Variants in CLMP observed in about 807,000 individuals in gnomAD.
The protein encoded by CLMP is CXADR like cell adhesion molecule.
CLMP carries 27 observed loss-of-function variants against 45.2 expected under a neutral mutation model. The observed-to-expected ratio is 0.60, with a 90% CI of 0.44 to 0.82. The LOEUF (loss-of-function observed/expected upper bound fraction) is 0.82. CLMP is among the 40% of genes least tolerant of loss of function. CLMP has a pLI of 0.00. For synonymous variants in CLMP, 167 were observed against 171.4 expected, an observed-to-expected ratio of 0.97 and a Z score of 0.20; for missense variants, 403 against 448.4, an observed-to-expected ratio of 0.90 and a Z score of 0.91.
intron 6 of CLMP, 42 bp from the exon 7 acceptor site, chr11:123,073,816 T>C: frequency 1.3e-6 from 2 of 1,525,838 alleles, no homozygotes; most frequent in Non-Finnish European, 8.8e-7. Flanking sequence ...GGCAGATCTG[T>C]GATTGCTTCC....
chr11:123,118,999 TTCTCTCTCTCTCTCTCTCTCTC>T (rs1248549147), intron 1 of CLMP, among the ~76,000 whole-genome samples: 12 of 14,150 alleles, frequency 8.5e-4, no homozygotes, highest in Non-Finnish European at 1.3e-3. Context: ...CTTTCTTTCT[TTCTCTCTCTCTCTCTCTCTCTC>T]TCTCTCTCTC....
chr11:123,146,269 G>A (rs1370213431), intron 1 of CLMP, among the ~76,000 whole-genome samples: 2 of 152,050 alleles, frequency 1.3e-5, no homozygotes, highest in African/African-American at 4.8e-5. Flanking sequence ...GTGGTGGCTC[G>A]CGTCTGTAAT....
At chr11:123,084,350 A>G (rs569508560) in intron 3 of CLMP, among the ~76,000 whole-genome samples, 162 bp downstream of exon 3, 1 of 152,352 alleles carries the variant, frequency 6.6e-6, no homozygotes, top group East Asian at 1.9e-4. Flanking sequence ...GCTATAATAC[A>G]GAAGATACAC....
intron 1 of CLMP, among the ~76,000 whole-genome samples, chr11:123,104,128 C>CTTTT (rs1241735527): frequency 5.0e-4 from 36 of 72,388 alleles, no homozygotes; most frequent in Non-Finnish European, 7.1e-4. Context: ...CCATGCCTGG[C>CTTTT]TTTTTTTTTT....
chr11:123,098,569 T>C (rs1217811525), intron 1 of CLMP, among the ~76,000 whole-genome samples: 2 of 151,804 alleles, frequency 1.3e-5, no homozygotes, highest in Non-Finnish European at 2.9e-5. Context: ...TGAGTGTCTC[T>C]CTGATGACCA....
At chr11:123,125,302 A>C (rs1860872980) in intron 1 of CLMP, among the ~76,000 whole-genome samples, 1 of 152,138 alleles carries the variant, frequency 6.6e-6, no homozygotes. Context: ...TGCCTTTAGA[A>C]GCACTCATGG....
At chr11:123,135,889 T>C in intron 1 of CLMP, 2 of 505,332 alleles carry the variant, frequency 4.0e-6, no homozygotes, top group Admixed American at 4.3e-5. Flanking sequence ...CTTCTCATAG[T>C]TGAATCCACT....
At chr11:123,145,548 C>T (rs1032963590) in intron 1 of CLMP, among the ~76,000 whole-genome samples, 10 of 151,248 alleles carry the variant, frequency 6.6e-5, no homozygotes, top group African/African-American at 1.9e-4. Context: ...ATGCAACCTC[C>T]GCCTCCCGGA....
intron 1 of CLMP, among the ~76,000 whole-genome samples, chr11:123,156,247 C>T (rs990863621): frequency 6.6e-6 from 1 of 152,188 alleles, no homozygotes; most frequent in African/African-American, 2.4e-5. Flanking sequence ...TCACCTGACA[C>T]TGAATTTGTC....
intron 1 of CLMP, among the ~76,000 whole-genome samples, chr11:123,132,956 G>A (rs1390283173): frequency 6.7e-6 from 1 of 149,974 alleles, no homozygotes; most frequent in Non-Finnish European, 1.5e-5. Context: ...TTTGGTAGAG[G>A]CAGGGTTTCA....
intron 4 of CLMP, 86 bp from the exon 5 acceptor site, chr11:123,083,293 A>T: frequency 8.1e-7 from 1 of 1,236,818 alleles, no homozygotes; most frequent in Non-Finnish European, 1.2e-6. Context: ...CTGAGCTGAG[A>T]TTCCGTAATG....
rs1865775212 is a variant in CLMP at position 123,079,350 on chromosome 11, T to TC, written c.679+3734dup. ...TAAAATTAAAAGGGTGATTTTTTTT[T>TC]CTCAACCTAGTGGGGAAAAAAGGAT... On this transcript the variant is annotated intron_variant, in intron 5 of 6. Coordinates refer to ENST00000448775, the MANE Select transcript of CLMP (RefSeq NM_024769.5). 4.6e-5 allele frequency among the ~76,000 whole-genome samples: 7 copies of TC among 152,342 alleles called. No individual in the cohort carries two copies. The East Asian group carries it at 1.3e-3, about 29-fold the overall frequency.
At chr11:123,129,298 C>G (rs1171925259) in intron 1 of CLMP, among the ~76,000 whole-genome samples, 1 of 149,852 alleles carries the variant, frequency 6.7e-6, no homozygotes, top group Non-Finnish European at 1.5e-5. Flanking sequence ...CCATTGCACT[C>G]CAGCCTGGGC....
At chr11:123,121,284 G>GT (rs1296655950) in intron 1 of CLMP, among the ~76,000 whole-genome samples, 100 of 151,852 alleles carry the variant, frequency 6.6e-4, no homozygotes, top group African/African-American at 2.4e-3. Flanking sequence ...AAAAATTCTT[G>GT]TTTTTGTTTT....
chr11:123,130,186 C>T (rs990355664), intron 1 of CLMP, among the ~76,000 whole-genome samples: 2 of 152,172 alleles, frequency 1.3e-5, no homozygotes, highest in Admixed American at 6.5e-5. Flanking sequence ...GAGAACACTG[C>T]ATGGTATTCA....
At chr11:123,160,845 G>A (rs1861477902) in intron 1 of CLMP, among the ~76,000 whole-genome samples, 1 of 151,964 alleles carries the variant, frequency 6.6e-6, no homozygotes, top group Admixed American at 6.6e-5. Context: ...AGGCGTGGTG[G>A]TGCATGCCTG....
At chr11:123,135,105 C>T (rs545096546) in intron 1 of CLMP, among the ~76,000 whole-genome samples, 33 of 151,846 alleles carry the variant, frequency 2.2e-4, no homozygotes, top group Non-Finnish European at 4.1e-4. Context: ...ACTAAAAATA[C>T]AAAAATTAGC....
chr11:123,126,098 T>G (rs1016373810), intron 1 of CLMP, among the ~76,000 whole-genome samples: 1 of 152,230 alleles, frequency 6.6e-6, no homozygotes, highest in Admixed American at 6.5e-5. Context: ...CCAGCCTGAA[T>G]ATATTGCTTC....
intron 1 of CLMP, among the ~76,000 whole-genome samples, chr11:123,145,963 G>C (rs1378418615): frequency 6.6e-6 from 1 of 152,216 alleles, no homozygotes; most frequent in Admixed American, 6.5e-5. Flanking sequence ...CCAGCAGGCG[G>C]GGTCTGGGCC....
Sources: allele counts gnomAD v4.1 joint callset (sites outside exome capture counted in the v4.1 genomes callset), GRCh38; gene constraint gnomAD v4.1.1; transcripts MANE v1.5; gene names NCBI Gene and HGNC (gene_info 2026-07-23, HGNC 2026-07-21).